The following SRGAP2 variants were observed in gnomAD, a reference collection of about 807,000 sequenced individuals.
SRGAP2 encodes the protein SLIT-ROBO Rho GTPase-activating protein 2.
Under a neutral mutation model 57.2 loss-of-function variants are expected in SRGAP2, and 15 were observed. The ratio of observed to expected loss-of-function variants is 0.26; its 90% CI spans 0.18 to 0.40. SRGAP2 has a LOEUF of 0.40. Among genes scored for constraint, SRGAP2 ranks in the 10% least tolerant of loss-of-function variants. The pLI is 1.00. For missense variants in SRGAP2, 520 were observed against 669.6 expected (o/e 0.78, Z 2.47); for synonymous variants, 249 against 248.0 (o/e 1.00, Z -0.04).
intron 2 of SRGAP2, among the ~76,000 whole-genome samples, chr1:206,239,697 A>G (rs1668091150): frequency 6.7e-6 from 1 of 150,144 alleles, no homozygotes; most frequent in African/African-American, 2.5e-5. Flanking sequence ...ACCTTAGGTG[A>G]TCTGACTGCC....
chr1:206,349,091 AT>A (rs1457175919), intron 4 of SRGAP2, among the ~76,000 whole-genome samples: 3 of 74,968 alleles, frequency 4.0e-5, no homozygotes, highest in Non-Finnish European at 7.9e-5. Context: ...AACTACCCAA[AT>A]TTTTAAAAAT....
rs1663612554 is a variant in SRGAP2, at chr1:206,454,210, C to T, written c.2361-668C>T. 2 of 702,424 alleles carry T rather than the reference C, an allele frequency of 2.8e-6. No homozygotes were observed. 43.5% of individuals were successfully genotyped at this position (702,424 alleles called of 1,614,324 possible). A position where few individuals can be genotyped will look rare whatever the true frequency, so the allele number is the denominator to read the frequency against. On this transcript the variant is annotated intron_variant, in intron 20 of 22. Transcript: ENST00000573034. This position sits in a 1 kb window ranked among gnomAD's most constrained non-coding sequence, Gnocchi z 4.3. ...CGGCTCGTTCTGCAGGGAAATCCTC[C>T]CTCTGTTGATAGCATCGCAAACCTG...
At chr1:206,357,496 G>GTCA (rs1160823545) in intron 4 of SRGAP2, among the ~76,000 whole-genome samples, 1 of 147,942 alleles carries the variant, frequency 6.8e-6, no homozygotes, top group Non-Finnish European at 1.5e-5. Context: ...TCTTTTAAAT[G>GTCA]TTGCCTATAT....
intron 19 of SRGAP2, among the ~76,000 whole-genome samples, chr1:206,450,671 G>A (rs1444699912): frequency 6.6e-6 from 1 of 152,178 alleles, no homozygotes; most frequent in Admixed American, 6.5e-5. Context: ...AACCAGAGGT[G>A]AAGAACTAGG....
intron 10 of SRGAP2, among the ~76,000 whole-genome samples, chr1:206,412,802 T>C (rs1553360084): frequency 6.6e-6 from 1 of 152,176 alleles, no homozygotes; most frequent in Non-Finnish European, 1.5e-5. Flanking sequence ...GAGTCTCTCA[T>C]ATGGATAAGT....
At chr1:206,360,022 G>A (rs1676783051) in intron 4 of SRGAP2, among the ~76,000 whole-genome samples, 1 of 151,396 alleles carries the variant, frequency 6.6e-6, no homozygotes, top group African/African-American at 2.4e-5. Flanking sequence ...TAGCCAGGAT[G>A]GTCTCGATCT....
At chr1:206,306,272 G>A (rs1215832929) in intron 3 of SRGAP2, among the ~76,000 whole-genome samples, 12 of 152,044 alleles carry the variant, frequency 7.9e-5, no homozygotes, top group South Asian at 6.2e-4. Context: ...ATGTTCAGAT[G>A]TGTTCGGAGT....
At chr1:206,452,800 C>T (rs1553376420) in intron 19 of SRGAP2, among the ~76,000 whole-genome samples, 2 of 147,358 alleles carry the variant, frequency 1.4e-5, no homozygotes, top group African/African-American at 2.5e-5. Flanking sequence ...GCAGGAGAAT[C>T]GCGTAAACCC....
At chr1:206,285,847 G>T (rs1242531965) in intron 2 of SRGAP2, among the ~76,000 whole-genome samples, 2 of 150,872 alleles carry the variant, frequency 1.3e-5, no homozygotes, top group Non-Finnish European at 3.0e-5. Flanking sequence ...TGTATTGTTA[G>T]TAGAGATGGG....
Position 206,419,368 on chromosome 1 carries a change from A to C in SRGAP2, c.1442-5A>C, listed in dbSNP as rs1558411927. ...TAATGCTTTTTGCCTTTGTGTTTCC[A>C]ACAGGTCAGCGGACAGATTGCAGTC... On this transcript the variant is annotated splice_polypyrimidine_tract_variant and splice_region_variant and intron_variant, in intron 11 of 22. Transcript: ENST00000573034. 1 of 780,734 alleles carries C rather than the reference A, an allele frequency of 1.3e-6. No homozygotes were observed. Among genetic ancestry groups the C allele is most frequent in the Non-Finnish European group, 2.4e-6 (1 of 417,908 alleles). The allele number at this position is 780,734 out of a possible 1,614,324, so 48.4% of individuals were successfully genotyped here.
intron 2 of SRGAP2, among the ~76,000 whole-genome samples, chr1:206,254,553 C>G (rs868932471): frequency 0.019 from 2,771 of 148,438 alleles, 85 homozygotes; most frequent in African/African-American, 0.064. Flanking sequence ...TAATAAGTAT[C>G]TCTTCAAGTT....
intron 14 of SRGAP2, among the ~76,000 whole-genome samples, chr1:206,432,207 G>A (rs1300556081): frequency 1.3e-5 from 2 of 152,170 alleles, no homozygotes; most frequent in Admixed American, 1.3e-4. Context: ...AAGTGGGCAG[G>A]TTCCAGATAT....
Position 206,432,530 on chromosome 1 carries a change from C to G in SRGAP2, c.1555+2308C>G, listed in dbSNP as rs531861122. Reference sequence around the variant, plus strand: ...AAAGTATTAGAAACAACCTAAATGCCCATACATAGAGGAGTGGTTGAAGAA... The same window carrying G: ...AAAGTATTAGAAACAACCTAAATGCGCATACATAGAGGAGTGGTTGAAGAA... On this transcript the variant is annotated intron_variant, in intron 14 of 22. Transcript: ENST00000573034. Among the ~76,000 whole-genome samples the G allele has an allele frequency of 2.6e-5, 4 of 152,114 alleles. No homozygotes were observed. The South Asian group carries it at 8.3e-4, about 32-fold the overall frequency.
chr1:206,369,386 G>GA (rs1443021401), intron 4 of SRGAP2, among the ~76,000 whole-genome samples: 2 of 151,394 alleles, frequency 1.3e-5, no homozygotes, highest in South Asian at 2.1e-4. Context: ...AGCGACAAAA[G>GA]AAAAAATAAA....
chr1:206,309,481 A>AAAAGG (rs1672473669), intron 3 of SRGAP2, among the ~76,000 whole-genome samples: 1 of 147,748 alleles, frequency 6.8e-6, no homozygotes, highest in African/African-American at 2.6e-5. Flanking sequence ...AAAAAAAAAA[A>AAAAGG]GTTGGGGGAG....
At chr1:206,303,873 C>T (rs1457302825) in intron 3 of SRGAP2, among the ~76,000 whole-genome samples, 8 of 45,844 alleles carry the variant, frequency 1.7e-4, no homozygotes, top group African/African-American at 6.5e-4. Flanking sequence ...ATCTCTGTCT[C>T]TCTCTCTCTC....
At chr1:206,243,238 C>T (rs1668348436) in intron 2 of SRGAP2, among the ~76,000 whole-genome samples, 1 of 127,070 alleles carries the variant, frequency 7.9e-6, no homozygotes, top group Admixed American at 7.7e-5. Context: ...GGCCCAGCTA[C>T]TCCTGTGTCA....
intron 19 of SRGAP2, among the ~76,000 whole-genome samples, chr1:206,452,056 A>G (rs1452784361): frequency 6.6e-6 from 1 of 152,230 alleles, no homozygotes; most frequent in Non-Finnish European, 1.5e-5. Context: ...GCAGCCTAGC[A>G]CAGACGAAGA....
intron 2 of SRGAP2, among the ~76,000 whole-genome samples, chr1:206,239,389 C>A (rs1335144573): frequency 1.2e-4 from 18 of 151,100 alleles, no homozygotes; most frequent in Admixed American, 7.2e-4. Flanking sequence ...AAAGAAGAGC[C>A]GTAGCTAGTA....
Sources: allele counts gnomAD v4.1 joint callset (sites outside exome capture counted in the v4.1 genomes callset), GRCh38; gene constraint gnomAD v4.1.1; non-coding constraint Gnocchi (gnomAD v3.1); transcripts MANE v1.5; gene names NCBI Gene and HGNC (gene_info 2026-07-23, HGNC 2026-07-21).